The following FBXL13 variants were observed in gnomAD, a reference collection of about 807,000 sequenced individuals.
FBXL13 encodes the protein F-box and leucine-rich repeat protein 13.
In FBXL13, 67 loss-of-function variants were observed where a neutral mutation model predicts 83.6. The ratio of observed to expected loss-of-function variants is 0.80; its 90% CI spans 0.66 to 0.98. The LOEUF is 0.98. Among genes scored for constraint, FBXL13 ranks in the 50% least tolerant of loss-of-function variants. The pLI is 0.00. For synonymous variants in FBXL13, 272 were observed against 299.5 expected, an observed-to-expected ratio of 0.91 and a Z score of 0.95; for missense variants, 822 against 866.5, an observed-to-expected ratio of 0.95 and a Z score of 0.64.
At chr7:103,016,463 A>G (rs1792333261) in intron 6 of FBXL13, among the ~76,000 whole-genome samples, 1 of 152,030 alleles carries the variant, frequency 6.6e-6, no homozygotes, top group Non-Finnish European at 1.5e-5. Flanking sequence ...TACCAGGTTC[A>G]TCTCACTGGG....
At chr7:103,064,065 C>T (rs1798166670) in intron 1 of FBXL13, among the ~76,000 whole-genome samples, 1 of 152,142 alleles carries the variant, frequency 6.6e-6, no homozygotes, top group African/African-American at 2.4e-5. Context: ...TTTGTGGAAT[C>T]CACTTCATGC....
chr7:102,981,959 C>T (rs554799862), intron 6 of FBXL13, among the ~76,000 whole-genome samples: 1 of 152,268 alleles, frequency 6.6e-6, no homozygotes, highest in Admixed American at 6.5e-5. Flanking sequence ...AATCCCAGCA[C>T]TCTGTGAGGC....
chr7:103,070,792 G>A (rs942301585), intron 1 of FBXL13, among the ~76,000 whole-genome samples: 5 of 152,174 alleles, frequency 3.3e-5, no homozygotes, highest in African/African-American at 1.2e-4. Flanking sequence ...CAGCTCTTGG[G>A]TGAACTAATA....
At chr7:102,991,809 G>T (rs1475351145) in intron 6 of FBXL13, among the ~76,000 whole-genome samples, 1 of 152,190 alleles carries the variant, frequency 6.6e-6, no homozygotes, top group Non-Finnish European at 1.5e-5. Flanking sequence ...GATATGGAAA[G>T]AAAAATACTT....
At chr7:103,018,353 C>A (rs1377029814) in intron 6 of FBXL13, among the ~76,000 whole-genome samples, 1 of 152,134 alleles carries the variant, frequency 6.6e-6, no homozygotes, top group African/African-American at 2.4e-5. Context: ...ACAACCGGTA[C>A]CAGCCACTGC....
intron 6 of FBXL13, among the ~76,000 whole-genome samples, chr7:103,014,921 C>CA (rs1166056647): frequency 0.16 from 3,253 of 20,480 alleles, 609 homozygotes; most frequent in Non-Finnish European, 0.3. Flanking sequence ...GACTCCGTCT[C>CA]AAAAAAAAAA....
intron 10 of FBXL13, among the ~76,000 whole-genome samples, chr7:102,914,361 G>A (rs764681592): frequency 5.9e-5 from 9 of 152,188 alleles, no homozygotes; most frequent in African/African-American, 1.9e-4. Context: ...ATGAGCCACC[G>A]TGCCCAGAAA....
intron 11 of FBXL13, among the ~76,000 whole-genome samples, chr7:102,911,542 C>T (rs779471263): frequency 9.2e-5 from 14 of 152,146 alleles, no homozygotes; most frequent in Non-Finnish European, 2.1e-4. Flanking sequence ...TCTACCCACC[C>T]ACAGGAACTG....
At chr7:103,033,070 T>C (rs753593662) in intron 2 of FBXL13, among the ~76,000 whole-genome samples, 3 of 152,072 alleles carry the variant, frequency 2.0e-5, no homozygotes. Context: ...CATCCCCCCA[T>C]ACACACACAC....
At chr7:103,062,699 A>G (rs1252670248) in intron 1 of FBXL13, among the ~76,000 whole-genome samples, 1 of 152,220 alleles carries the variant, frequency 6.6e-6, no homozygotes, top group Non-Finnish European at 1.5e-5. Context: ...ATAGATTTCT[A>G]TGAAAATATA....
At chr7:102,974,509 C>T (rs1404698896) in intron 6 of FBXL13, among the ~76,000 whole-genome samples, 10 of 152,084 alleles carry the variant, frequency 6.6e-5, no homozygotes, top group Non-Finnish European at 5.9e-5. Context: ...CCTAATGGCC[C>T]GCAAATAGAA....
intron 8 of FBXL13, among the ~76,000 whole-genome samples, chr7:102,954,891 A>G (rs1408698920): frequency 6.6e-6 from 1 of 152,130 alleles, no homozygotes; most frequent in Non-Finnish European, 1.5e-5. Context: ...GATTCATAAA[A>G]CAAGTCTGTA....
rs971595175 is a variant in FBXL13 at position 102,946,267 on chromosome 7, G to A, written c.725-14334C>T. Among the ~76,000 whole-genome samples the A allele has an allele frequency of 3.9e-5, 6 of 152,232 alleles. No individual in the cohort carries two copies. The South Asian group carries it at 1.2e-3, about 31-fold the overall frequency. Reference sequence around the variant, plus strand: ...CTAATTCTCACAAAATCCCTCTGAGGTAGGTGATACTGTCTGCCTTTTATA... The same window carrying A: ...CTAATTCTCACAAAATCCCTCTGAGATAGGTGATACTGTCTGCCTTTTATA... On this transcript the variant is annotated intron_variant, in intron 8 of 19. Transcript: ENST00000313221.
At chr7:102,996,826 A>G (rs1046261770) in intron 6 of FBXL13, among the ~76,000 whole-genome samples, 1 of 152,228 alleles carries the variant, frequency 6.6e-6, no homozygotes, top group African/African-American at 2.4e-5. Context: ...AGGACTGTGG[A>G]CTAACAAGAT....
intron 17 of FBXL13, among the ~76,000 whole-genome samples, chr7:102,839,022 A>G (rs1435427610): frequency 6.6e-6 from 1 of 152,218 alleles, no homozygotes; most frequent in Non-Finnish European, 1.5e-5. Flanking sequence ...GCCCCTGGAA[A>G]CGGCATGTCT....
chr7:102,929,764 T>G (rs1211707338), intron 9 of FBXL13, among the ~76,000 whole-genome samples: 1 of 151,708 alleles, frequency 6.6e-6, no homozygotes, highest in African/African-American at 2.4e-5. Context: ...GAAGGGTGAC[T>G]GTTGATGGGC....
intron 1 of FBXL13, among the ~76,000 whole-genome samples, chr7:103,063,501 C>T (rs1798115299): frequency 6.6e-6 from 1 of 152,164 alleles, no homozygotes; most frequent in South Asian, 2.1e-4. Flanking sequence ...TTACTGTATT[C>T]TTTACTTAAA....
chr7:102,884,949 A>C (rs1810599087), intron 11 of FBXL13, among the ~76,000 whole-genome samples: 1 of 152,192 alleles, frequency 6.6e-6, no homozygotes, highest in Admixed American at 6.5e-5. Context: ...AGGTTCATGC[A>C]CATTGTAGCA....
chr7:102,883,585 C>T (rs1810401363), exon 13 of FBXL13: 4 of 1,609,668 alleles, frequency 2.5e-6, no homozygotes, highest in South Asian at 1.1e-5. Context: ...TCGGATCTTT[C>T]TGAGTTTACA....
Sources: gnomAD v4.1 joint callset for allele counts (sites outside exome capture counted in the v4.1 genomes callset) on GRCh38, gnomAD v4.1.1 for gene constraint, MANE v1.5 for transcripts, NCBI Gene and HGNC (gene_info 2026-07-23, HGNC 2026-07-21) for gene names.